The following CDK14 variants were observed in gnomAD, a reference collection of about 807,000 sequenced individuals.
CDK14 encodes the protein cyclin dependent kinase 14.
A neutral mutation model predicts 60.7 loss-of-function variants in CDK14; 34 were observed. That is an observed-to-expected ratio of 0.56 (90% confidence interval 0.43 to 0.75). The LOEUF (loss-of-function observed/expected upper bound fraction) is 0.75. Among genes scored for constraint, CDK14 ranks in the 30% least tolerant of loss-of-function variants. CDK14 has a pLI of 0.00. For synonymous variants in CDK14, 197 were observed against 203.7 expected (o/e 0.97, Z 0.28); for missense variants, 482 against 564.1 (o/e 0.85, Z 1.47).
At chr7:91,178,817 G>A (rs1181656386) in intron 14 of CDK14, among the ~76,000 whole-genome samples, 1 of 151,778 alleles carries the variant, frequency 6.6e-6, no homozygotes, top group Non-Finnish European at 1.5e-5. Flanking sequence ...AACAGGTGCT[G>A]GAGAGGATGT....
intron 11 of CDK14, among the ~76,000 whole-genome samples, chr7:91,051,785 C>A (rs1182429406): frequency 6.6e-6 from 1 of 152,188 alleles, no homozygotes. Flanking sequence ...TAATGAGAGG[C>A]TCCCCTATGT....
At chr7:91,013,475 A>G (rs1487284863) in intron 10 of CDK14, among the ~76,000 whole-genome samples, 2 of 152,158 alleles carry the variant, frequency 1.3e-5, no homozygotes, top group East Asian at 3.9e-4. Context: ...CATTCTAGAA[A>G]TCATCAAAGG....
At position 90,899,002 on chromosome 7, in the gene CDK14, G is replaced by A. The variant is rs748467915; in HGVS notation, c.640-289G>A. ...GTGGTTTTCTAAGTTAAAGTATAAG[G>A]ATATATTCAATGGAAAGGAAATGAG... On this transcript the variant is annotated intron_variant, in intron 6 of 14. Transcript: ENST00000380050. Among the ~76,000 whole-genome samples the A allele has an allele frequency of 1.4e-3, 206 of 151,864 alleles. 1 individual carries two copies. The highest frequency in any genetic ancestry group is 2.4e-3 in the Non-Finnish European group (165 of 67,892).
chr7:90,647,576 G>A (rs1049247258), intron 2 of CDK14, among the ~76,000 whole-genome samples: 11 of 151,580 alleles, frequency 7.3e-5, no homozygotes, highest in African/African-American at 9.7e-5. Context: ...GTTGTTTGGC[G>A]AGTTAAAACT....
chr7:90,959,410 A>T (rs1794531957), intron 9 of CDK14, among the ~76,000 whole-genome samples: 2 of 152,136 alleles, frequency 1.3e-5, no homozygotes, highest in Non-Finnish European at 2.9e-5. Context: ...TTCCAGTTAG[A>T]AGTTCACAGG....
chr7:90,991,155 G>T (rs1795521960), intron 10 of CDK14, among the ~76,000 whole-genome samples: 1 of 152,128 alleles, frequency 6.6e-6, no homozygotes, highest in Non-Finnish European at 1.5e-5. Context: ...ACATTGAAAA[G>T]GAGTACCACT....
intron 3 of CDK14, among the ~76,000 whole-genome samples, chr7:90,736,445 C>T (rs146650367): frequency 2.1e-4 from 27 of 129,836 alleles, no homozygotes; most frequent in Middle Eastern, 5.8e-3. Context: ...TTTTGCATAA[C>T]GCCATTTTAC....
chr7:90,955,118 T>C (rs1794373048), intron 8 of CDK14, among the ~76,000 whole-genome samples: 1 of 152,164 alleles, frequency 6.6e-6, no homozygotes, highest in Admixed American at 6.5e-5. Flanking sequence ...ACTATTCCTT[T>C]ATAGTTATTT....
At chr7:91,192,779 A>G (rs1218631555) in intron 14 of CDK14, among the ~76,000 whole-genome samples, 3 of 152,206 alleles carry the variant, frequency 2.0e-5, no homozygotes, top group Non-Finnish European at 4.4e-5. Flanking sequence ...GATGACATTA[A>G]TAGAGAAGAA....
intron 2 of CDK14, among the ~76,000 whole-genome samples, chr7:90,670,502 G>T (rs574293170): frequency 9.8e-5 from 15 of 152,304 alleles, no homozygotes; most frequent in African/African-American, 3.6e-4. Flanking sequence ...ATAAAGAAAA[G>T]AGGTTTAATT....
chr7:90,634,132 CT>C lies in CDK14; in HGVS notation c.123+29891del, dbSNP rs1205624751. Among the ~76,000 whole-genome samples the C allele has an allele frequency of 1.2e-4, 18 of 151,540 alleles. No individual in the cohort carries two copies. The East Asian group carries it at 3.3e-3, about 28-fold the overall frequency. On this transcript the variant is annotated intron_variant, in intron 2 of 14. Transcript: ENST00000380050. ...GTCTTTTTGTTTCTTTTATGATTTTCTTTTTTTTAATTATTATTATACTTTA... is the reference window on the plus strand; with the variant it reads ...GTCTTTTTGTTTCTTTTATGATTTTCTTTTTTTAATTATTATTATACTTTA...
chr7:91,022,933 A>G (rs564373493), intron 10 of CDK14, among the ~76,000 whole-genome samples: 4 of 152,204 alleles, frequency 2.6e-5, no homozygotes, highest in African/African-American at 4.8e-5. Flanking sequence ...GCTTCTCACT[A>G]TGGTCTCTTT....
Position 91,045,917 on chromosome 7 carries a change from G to A in CDK14, c.1062G>A (p.Glu354=). 3 of 1,610,970 alleles carry A rather than the reference G, an allele frequency of 1.9e-6. No homozygotes were observed. Among genetic ancestry groups the A allele is most frequent in the Non-Finnish European group, 1.7e-6 (2 of 1,177,358 alleles). ...ACTAGGTTCTTGGAACACCAAATGA[G>A]GACACATGGCCTGGAGTTCATTCTT... ...RIFLVLGTPN[E]DTWPGVHSLP... Residue 354 remains glutamate, a synonymous_variant, in exon 11 of 15, where the codon GAG becomes GAA. Coordinates refer to ENST00000380050, the MANE Select transcript of CDK14 (RefSeq NM_001287135.2).
chr7:90,781,352 C>G (rs1274303203), intron 4 of CDK14, among the ~76,000 whole-genome samples: 1 of 152,018 alleles, frequency 6.6e-6, no homozygotes, highest in Non-Finnish European at 1.5e-5. Context: ...AAAATTTTCT[C>G]CCATTTTATG....
At chr7:90,957,286 G>A (rs987722887) in intron 9 of CDK14, among the ~76,000 whole-genome samples, 1 of 152,076 alleles carries the variant, frequency 6.6e-6, no homozygotes, top group African/African-American at 2.4e-5. Flanking sequence ...GTTGTTTCCT[G>A]ACTTTTTAAT....
intron 14 of CDK14, among the ~76,000 whole-genome samples, chr7:91,179,505 T>TA (rs71107809): frequency 0.81 from 119,258 of 147,498 alleles, 48,375 homozygotes; most frequent in East Asian, 0.89. Flanking sequence ...AAAGTATAAT[T>TA]AAAAAAAAAA....
At chr7:90,711,227 T>G (rs2116645794) in intron 2 of CDK14, among the ~76,000 whole-genome samples, 1 of 152,174 alleles carries the variant, frequency 6.6e-6, no homozygotes, top group Non-Finnish European at 1.5e-5. Flanking sequence ...CTGTTGTGGT[T>G]CACTATGAGT....
chr7:90,868,312 C>CACAT (rs1791253162), intron 6 of CDK14, among the ~76,000 whole-genome samples: 2 of 150,988 alleles, frequency 1.3e-5, no homozygotes, highest in Non-Finnish European at 2.9e-5. Flanking sequence ...TACACACACA[C>CACAT]ACACATACAC....
chr7:90,779,247 C>T (rs1388774210), intron 4 of CDK14, among the ~76,000 whole-genome samples: 5 of 152,016 alleles, frequency 3.3e-5, no homozygotes, highest in African/African-American at 7.2e-5. Context: ...GGTGAGACTC[C>T]GTCTCAAAAA....
Sources: allele counts gnomAD v4.1 joint callset (sites outside exome capture counted in the v4.1 genomes callset), GRCh38; gene constraint gnomAD v4.1.1; transcripts MANE v1.5; gene names NCBI Gene and HGNC (gene_info 2026-07-23, HGNC 2026-07-21).